The following INAVA variants were observed in gnomAD, a reference collection of about 807,000 sequenced individuals.
The protein encoded by INAVA is innate immunity activator protein.
Under a neutral mutation model 55.3 loss-of-function variants are expected in INAVA, and 32 were observed. The observed-to-expected ratio is 0.58, with a 90% CI of 0.44 to 0.78. INAVA has a LOEUF of 0.78. Among genes scored for constraint, INAVA ranks in the 30% least tolerant of loss-of-function variants. The pLI, the probability that INAVA is intolerant of heterozygous loss-of-function variation, is 0.00. For synonymous variants in INAVA, 294 were observed against 329.4 expected, an observed-to-expected ratio of 0.89 and a Z score of 1.16; for missense variants, 756 against 786.4, an observed-to-expected ratio of 0.96 and a Z score of 0.46.
intron 2 of INAVA, among the ~76,000 whole-genome samples, chr1:200,898,848 G>A (rs945805246): frequency 6.6e-6 from 1 of 152,134 alleles, no homozygotes; most frequent in Non-Finnish European, 1.5e-5. Flanking sequence ...GACCATCCTG[G>A]CTACCACATA....
rs757252559 is a variant in INAVA, at chr1:200,911,493, A to G, written c.1000A>G (p.Ser334Gly). ...FRAGPEGRGR[S>G]AFPRRRPTHY... The stretch of plus-strand genomic sequence containing the variant: ...GGCGGGTCCTGAGGGCCGAGGTCGC[A>G]GCGCCTTTCCCCGCCGCCGCCCCAC... The change falls in exon 9 of 10, where the codon AGC (serine) becomes GGC (glycine). Residue 334 changes from serine (S) to glycine (G), a missense_variant. This residue lies in a region of INAVA where 639 missense variants were observed against 624.3 expected (regional missense o/e 1.02). Coordinates refer to ENST00000413687, the MANE Select transcript of INAVA (RefSeq NM_001142569.3). 1 of 1,613,492 alleles carries G rather than the reference A, an allele frequency of 6.2e-7. No homozygotes were observed. The highest frequency in any genetic ancestry group is 1.7e-5 in the Admixed American group (1 of 59,990).
chr1:200,892,351 G>A (rs1668254134), upstream of INAVA, among the ~76,000 whole-genome samples: 2 of 152,098 alleles, frequency 1.3e-5, no homozygotes. Flanking sequence ...GGTAGGACGA[G>A]GCCCTTGCTT....
chr1:200,909,109 C>T, intron 7 of INAVA, 115 bp from the exon 8 acceptor site: 1 of 1,334,742 alleles, frequency 7.5e-7, no homozygotes, highest in Non-Finnish European at 1.0e-6. Flanking sequence ...AGGGTGCTGG[C>T]AGTTTGCCCT....
upstream of INAVA, among the ~76,000 whole-genome samples, chr1:200,893,846 G>C (rs1323613794): frequency 3.3e-5 from 5 of 152,076 alleles, no homozygotes; most frequent in East Asian, 9.7e-4. Context: ...GCACTTGGGG[G>C]TAGGGAGTGG....
At chr1:200,903,962 C>T (rs919810491) in intron 5 of INAVA, among the ~76,000 whole-genome samples, 2 of 152,164 alleles carry the variant, frequency 1.3e-5, no homozygotes, top group African/African-American at 4.8e-5. Flanking sequence ...AGGGAGCAGT[C>T]AGGTGTTGAG....
At chr1:200,899,880 C>T (rs1225906869) in intron 3 of INAVA, among the ~76,000 whole-genome samples, 3 of 152,102 alleles carry the variant, frequency 2.0e-5, no homozygotes, top group Non-Finnish European at 2.9e-5. Flanking sequence ...TAACCCGGGT[C>T]GGTGTAGCTC....
Position 200,913,622 on chromosome 1 carries a change from A to G in INAVA, c.1730A>G (p.Gln577Arg), listed in dbSNP as rs1411733350. The part of the protein sequence containing the change: ...FVPEKGEIIS[Q>R]V ...CCTGAAAAAGGAGAGATCATCAGCC[A>G]GGTGTAACTCTGCGCCCCACGCTGG... The change falls in exon 10 of 10, where the codon CAG (glutamine) becomes CGG (arginine). Residue 577 changes from glutamine to arginine, a missense_variant. This residue lies in a region of INAVA where 117 missense variants were observed against 162.1 expected (regional missense o/e 0.72). Coordinates refer to ENST00000413687, the MANE Select transcript of INAVA (RefSeq NM_001142569.3). The G allele has an allele frequency of 2.5e-6, 4 of 1,613,784 alleles. No individual in the cohort carries two copies. Among genetic ancestry groups the G allele is most frequent in the African/African-American group, 1.3e-5 (1 of 75,052 alleles).
At chr1:200,893,806 T>A (rs913165924), upstream of INAVA, among the ~76,000 whole-genome samples, 32 of 151,894 alleles carry the variant, frequency 2.1e-4, no homozygotes, top group African/African-American at 7.7e-4. Flanking sequence ...AGGAGATGCC[T>A]GGTGAAAGCA....
Sources: gnomAD v4.1 joint callset for allele counts (sites outside exome capture counted in the v4.1 genomes callset) on GRCh38, gnomAD v4.1.1 for gene constraint, gnomAD v4.1.1 regional missense constraint, MANE v1.5 for transcripts, NCBI Gene and HGNC (gene_info 2026-07-23, HGNC 2026-07-21) for gene names.